Variants in CD9 observed in about 807,000 individuals in gnomAD.
The protein encoded by CD9 is CD9 molecule, also known as CD9 antigen.
CD9 carries 10 observed loss-of-function variants against 31.4 expected under a neutral mutation model. The observed-to-expected ratio is 0.32, with a 90% confidence interval of 0.20 to 0.54. CD9 has a LOEUF of 0.54. Ranked by LOEUF, CD9 falls within the 20% of genes least tolerant of loss-of-function variation. The pLI is 0.94. For missense variants in CD9, 259 were observed against 300.1 expected, an observed-to-expected ratio of 0.86 and a Z score of 1.01; for synonymous variants, 113 against 114.1, an observed-to-expected ratio of 0.99 and a Z score of 0.06.
At chr12:6,212,788 C>T (rs1209619291) in intron 1 of CD9, among the ~76,000 whole-genome samples, 1 of 152,136 alleles carries the variant, frequency 6.6e-6, no homozygotes, top group Non-Finnish European at 1.5e-5. Context: ...CCACAGAAGG[C>T]AGAAGTTGGC....
intron 1 of CD9, among the ~76,000 whole-genome samples, chr12:6,217,512 C>T (rs1307080150): frequency 6.6e-6 from 1 of 152,168 alleles, no homozygotes; most frequent in Non-Finnish European, 1.5e-5. Context: ...GCCTGGGTGA[C>T]AGATTGAGAC....
At chr12:6,233,256 T>C in intron 3 of CD9, 156 bp from the exon 4 acceptor site, 1 of 651,862 alleles carries the variant, frequency 1.5e-6, no homozygotes, top group Admixed American at 2.5e-5. Context: ...CTGCCTGTTC[T>C]GTGAACTTCT....
intron 1 of CD9, among the ~76,000 whole-genome samples, chr12:6,213,330 C>G (rs958528196): frequency 1.1e-4 from 16 of 152,232 alleles, no homozygotes; most frequent in African/African-American, 3.9e-4. Context: ...TTCTCCCTCT[C>G]GAACACGAAT....
chr12:6,235,673 C>T (rs1373797339), intron 6 of CD9, 108 bp downstream of exon 6: 1 of 1,455,962 alleles, frequency 6.9e-7, no homozygotes, highest in Non-Finnish European at 9.1e-7. Context: ...ACCCGTTCTG[C>T]CTGTGAAAGG....
intron 2 of CD9, among the ~76,000 whole-genome samples, chr12:6,230,380 ACTTTCT>A (rs1372320509): frequency 3.3e-5 from 5 of 152,240 alleles, no homozygotes; most frequent in East Asian, 1.9e-4. Flanking sequence ...CGTGGGAAAT[ACTTTCT>A]CTTTAGTAGC....
In CD9 at chr12:6,235,546, T is replaced by TCGAAAC. The variant is rs1388833034; in HGVS notation, c.520_525dup (p.Glu174_Thr175dup). The TCGAAAC allele has an allele frequency of 1.2e-6, 2 of 1,612,962 alleles. No individual in the cohort carries two copies. The highest frequency in any genetic ancestry group is 3.3e-5 in the Admixed American group (2 of 59,960). ...GACATCTGCCCCAAGAAGGACGTAC[T>TCGAAAC]CGAAACCTTCACCGTGAAGGTAAAC... On this transcript the variant is annotated inframe_insertion, in exon 6 of 8. Transcript: ENST00000009180.
intron 4 of CD9, among the ~76,000 whole-genome samples, chr12:6,233,852 T>G (rs1946482833): frequency 1.3e-5 from 2 of 151,426 alleles, no homozygotes; most frequent in Non-Finnish European, 2.9e-5. Flanking sequence ...CCTTGCCTCC[T>G]CCTCTGATCT....
chr12:6,228,413 G>C (rs1484640315), intron 2 of CD9, among the ~76,000 whole-genome samples: 1 of 151,898 alleles, frequency 6.6e-6, no homozygotes, highest in Admixed American at 6.6e-5. Context: ...TTAGCTGGGC[G>C]TAGTGGCGTG....
chr12:6,236,044 C>G, intron 6 of CD9, 148 bp from the exon 7 acceptor site: 5 of 1,447,680 alleles, frequency 3.5e-6, no homozygotes, highest in Non-Finnish European at 3.6e-6. Flanking sequence ...CATCCACCAG[C>G]CAGAACTTCT....
rs146183522 is a variant in CD9, at chr12:6,211,664, G to A, written c.66+11099G>A. 7.5e-4 allele frequency among the ~76,000 whole-genome samples: 114 copies of A among 152,296 alleles called. 1 individual carries two copies. The highest frequency in any genetic ancestry group is 5.9e-3 in the Admixed American group (90 of 15,292). ...GACAGCTCGGCGAGGCATACACAAC[G>A]GAAAACAAATGTGTGGTATTCTGGA... On this transcript the variant is annotated intron_variant, in intron 1 of 7. Coordinates refer to ENST00000009180, the MANE Select transcript of CD9 (RefSeq NM_001769.4).
At chr12:6,234,597 TGTG>T (rs1946491801) in intron 4 of CD9, 1 of 152,136 alleles carries the variant, frequency 6.6e-6, no homozygotes, top group African/African-American at 2.4e-5. Flanking sequence ...GTTAACTGGA[TGTG>T]GTGAGCATCA....
intron 6 of CD9, 165 bp from the exon 7 acceptor site, chr12:6,236,010 TAGCCATCCCTTTGTTCC>T (rs1268627696): frequency 1.4e-6 from 2 of 1,431,176 alleles, no homozygotes; most frequent in East Asian, 5.1e-5. Flanking sequence ...TCCACTAGCA[TAGCCATCCCTTTGTTCC>T]CCTTTCCATC....
At chr12:6,202,617 ATCTAC>A (rs537485287) in intron 1 of CD9, among the ~76,000 whole-genome samples, 72 of 152,324 alleles carry the variant, frequency 4.7e-4, no homozygotes, top group Non-Finnish European at 9.3e-4. Flanking sequence ...GGCCACTGGT[ATCTAC>A]TCTGTCTGTG....
chr12:6,200,962 A>G (rs1946069023), intron 1 of CD9: 1 of 174,772 alleles, frequency 5.7e-6, no homozygotes, highest in Non-Finnish European at 1.2e-5. Context: ...GCCAAGGCCA[A>G]GGAGGACTGT....
In CD9 at chr12:6,200,530, A is replaced by C. The variant is rs1027634475; in HGVS notation, c.31A>C (p.Lys11Gln). The C allele has an allele frequency of 6.2e-7, 1 of 1,611,452 alleles. No homozygotes were observed. MPVKGGTKCI[K>Q]YLLFGFNFIF... ...GGTCAAAGGAGGCACCAAGTGCATC[A>C]AATACCTGCTGTTCGGATTTAACTT... The change falls in exon 1 of 8, where the codon AAA (lysine) becomes CAA (glutamine). Residue 11 changes from lysine to glutamine, a missense_variant. Coordinates refer to ENST00000009180, the MANE Select transcript of CD9 (RefSeq NM_001769.4).
At chr12:6,235,603 T>C (rs766258403) in intron 6 of CD9, 38 bp downstream of exon 6, 8 of 1,579,524 alleles carry the variant, frequency 5.1e-6, no homozygotes, top group Non-Finnish European at 6.0e-6. Flanking sequence ...CCTGCCCCCA[T>C]TGCTCTGGAC....
chr12:6,212,993 C>T (rs1946208126), intron 1 of CD9, among the ~76,000 whole-genome samples: 1 of 152,146 alleles, frequency 6.6e-6, no homozygotes, highest in African/African-American at 2.4e-5. Context: ...CGCTGATTCC[C>T]GTGGGGAGAC....
At position 6,225,530 on chromosome 12, in the gene CD9, C is replaced by A; in HGVS notation, c.171C>A (p.Tyr57Ter). ...QETNNNNSSF[Y>*]TGVYILIGAG... The stretch of plus-strand genomic sequence containing the variant: ...CTAATAATAATAATTCCAGCTTCTA[C>A]ACAGGTGAGGGACGGGGAAGGCTCA... The change falls in exon 2 of 8, where the codon TAC becomes TAA. Residue 57 changes from tyrosine (Y) to a stop codon, truncating the protein, a stop_gained. Transcript: ENST00000009180. LOFTEE classifies it high-confidence loss of function. 6.3e-7 allele frequency: 1 copy of A among 1,590,622 alleles called. No homozygotes were observed. The highest frequency in any genetic ancestry group is 8.6e-7 in the Non-Finnish European group (1 of 1,158,632).
At chr12:6,226,058 CT>C (rs1422257533) in intron 2 of CD9, among the ~76,000 whole-genome samples, 1 of 152,154 alleles carries the variant, frequency 6.6e-6, no homozygotes. Flanking sequence ...CTTTGGACCC[CT>C]GGTACTGGGG....
Sources: gnomAD v4.1 joint callset for allele counts (sites outside exome capture counted in the v4.1 genomes callset) on GRCh38, gnomAD v4.1.1 for gene constraint, MANE v1.5 for transcripts, NCBI Gene and HGNC (gene_info 2026-07-23, HGNC 2026-07-21) for gene names.